Variants in LATS2 observed in about 807,000 individuals in gnomAD.
The protein encoded by LATS2 is serine/threonine-protein kinase LATS2.
In LATS2, 24 loss-of-function variants were observed where a neutral mutation model predicts 76.0. That is an observed-to-expected ratio of 0.32 (90% CI 0.23 to 0.44). LATS2 has a LOEUF of 0.44. LATS2 is among the 20% of genes least tolerant of loss of function. The pLI is 1.00. For synonymous variants in LATS2, 692 were observed against 635.4 expected (o/e 1.09, Z -1.34); for missense variants, 1,286 against 1,481.2 (o/e 0.87, Z 2.16).
intron 2 of LATS2, among the ~76,000 whole-genome samples, chr13:21,016,740 CT>C (rs1871814308): frequency 6.6e-6 from 1 of 152,218 alleles, no homozygotes; most frequent in Non-Finnish European, 1.5e-5. Context: ...AAACCAAGTG[CT>C]TTTCCAAACC....
At position 20,988,948 on chromosome 13, in the gene LATS2, T is replaced by G. The variant is rs574789577; in HGVS notation, c.832A>C (p.Lys278Gln). ...TAACCCCCGGTCTCCGGCGGCGTCT[T>G]GCTCTGGAAGGAGGGGCTGCGCTGC... ...GVQRSPSFQS[K>Q]TPPETGGYAS... The change falls in exon 4 of 8, where the codon AAG becomes CAG. Residue 278 changes from lysine to glutamine, a missense_variant. Transcript: ENST00000382592. 1 of 1,533,950 alleles carries G rather than the reference T, an allele frequency of 6.5e-7. No homozygotes were observed. The highest frequency in any genetic ancestry group is 2.4e-5 in the East Asian group (1 of 40,960).
chr13:20,990,155 C>G (rs1017064566), intron 3 of LATS2, among the ~76,000 whole-genome samples: 2 of 152,160 alleles, frequency 1.3e-5, no homozygotes, highest in African/African-American at 4.8e-5. Flanking sequence ...CTTTGTTTTC[C>G]CTGGGCCCAG....
intron 1 of LATS2, among the ~76,000 whole-genome samples, chr13:21,047,402 A>G (rs977176922): frequency 4.6e-5 from 7 of 152,164 alleles, no homozygotes; most frequent in African/African-American, 1.7e-4. Flanking sequence ...GAATGTTTAT[A>G]TAACCAGCTG....
intron 6 of LATS2, among the ~76,000 whole-genome samples, chr13:20,980,286 T>C (rs1489516272): frequency 6.6e-6 from 1 of 152,168 alleles, no homozygotes; most frequent in Non-Finnish European, 1.5e-5. Context: ...AAACACTCCT[T>C]GTGTGAGGCC....
rs1869972461 is a variant in LATS2 at position 20,983,131 on chromosome 13, T to C, written c.2482+93A>G. 4 of 794,198 alleles carry C rather than the reference T, an allele frequency of 5.0e-6. No homozygotes were observed. In the East Asian group the frequency reaches 1.0e-4, roughly 20 times the overall value. The allele number at this position is 794,198 out of a possible 1,614,324, so 49.2% of individuals were successfully genotyped here. On this transcript the variant is annotated intron_variant, in intron 5 of 7. Coordinates refer to ENST00000382592, the MANE Select transcript of LATS2 (RefSeq NM_014572.3). Reference sequence around the variant, plus strand: ...GTGACAGATAAAAATTTCAAAATGATTAGGAGCCACTAGGATGGGAAATTT... The same window carrying C: ...GTGACAGATAAAAATTTCAAAATGACTAGGAGCCACTAGGATGGGAAATTT...
intron 2 of LATS2, among the ~76,000 whole-genome samples, chr13:20,999,117 AT>A (rs1870912813): frequency 6.6e-6 from 1 of 152,266 alleles, no homozygotes; most frequent in Non-Finnish European, 1.5e-5. Flanking sequence ...GTGCGAGCCA[AT>A]TATGACTGGA....
intron 7 of LATS2, among the ~76,000 whole-genome samples, chr13:20,975,570 A>T (rs1425680352): frequency 6.6e-6 from 1 of 152,232 alleles, no homozygotes; most frequent in Non-Finnish European, 1.5e-5. Context: ...GGCCAGGATG[A>T]CCAGTCAAAT....
chr13:21,054,987 G>GT (rs144970358), intron 1 of LATS2, among the ~76,000 whole-genome samples: 13,477 of 152,180 alleles, frequency 0.089, 622 homozygotes, highest in Middle Eastern at 0.11. Flanking sequence ...AAGTGAATAT[G>GT]AAAAAATAGT....
intron 1 of LATS2, among the ~76,000 whole-genome samples, chr13:21,057,853 C>A (rs1327960975): frequency 6.6e-6 from 1 of 152,058 alleles, no homozygotes; most frequent in East Asian, 1.9e-4. Context: ...GTAACATTAG[C>A]CTTAAAATAC....
intron 2 of LATS2, among the ~76,000 whole-genome samples, chr13:21,030,124 A>G (rs1332264991): frequency 6.8e-6 from 1 of 147,452 alleles, no homozygotes; most frequent in Non-Finnish European, 1.5e-5. Context: ...CTCTACTTCA[A>G]AAAAAAAAAG....
rs762892798 is a variant in LATS2 at position 21,045,705 on chromosome 13, C to T, written c.322G>A (p.Val108Met). The change falls in exon 2 of 8, where the codon GTG becomes ATG. Residue 108 changes from valine (V) to methionine (M), a missense_variant. Val to Met is a conservative substitution (Grantham distance 21). Coordinates refer to ENST00000382592, the MANE Select transcript of LATS2 (RefSeq NM_014572.3). ...EVNRQMLQEL[V>M]NAGCDQEMAG... ...CCCACCTGGTCGCATCCTGCGTTCACCAGTTCCTGCAGCATTTGCCGGTTC... is the reference window on the plus strand; with the variant it reads ...CCCACCTGGTCGCATCCTGCGTTCATCAGTTCCTGCAGCATTTGCCGGTTC... 1.2e-6 allele frequency: 2 copies of T among 1,614,044 alleles called. No homozygotes were observed. Among genetic ancestry groups the T allele is most frequent in the South Asian group, 1.1e-5 (1 of 91,066 alleles).
At chr13:21,017,330 TTTTC>T (rs1362725172) in intron 2 of LATS2, among the ~76,000 whole-genome samples, 1 of 152,154 alleles carries the variant, frequency 6.6e-6, no homozygotes, top group African/African-American at 2.4e-5. Context: ...ATGCAATCCT[TTTTC>T]TTTTTTTTGT....
rs180795147 is a variant in LATS2 at position 21,040,954 on chromosome 13, T to G, written c.342+4731A>C. On this transcript the variant is annotated intron_variant, in intron 2 of 7. Coordinates refer to ENST00000382592, the MANE Select transcript of LATS2 (RefSeq NM_014572.3). ...ACTGAGAGAACAATCACATTCTACT[T>G]CCCCCTTGAGGCATGTGTTCACCTT... 5.4e-3 allele frequency among the ~76,000 whole-genome samples: 823 copies of G among 151,758 alleles called. 6 individuals are homozygous for G. The highest frequency in any genetic ancestry group is 7.4e-3 in the Non-Finnish European group (501 of 67,954).
intron 2 of LATS2, among the ~76,000 whole-genome samples, chr13:21,042,067 A>C (rs1872897740): frequency 6.6e-6 from 1 of 152,176 alleles, no homozygotes; most frequent in African/African-American, 2.4e-5. Context: ...ATAACCAAAA[A>C]ACTTACCTTT....
At position 20,975,386 on chromosome 13, in the gene LATS2, C is replaced by G. The variant is rs761978716; in HGVS notation, c.2773-22G>C. 9.2e-6 allele frequency: 14 copies of G among 1,527,608 alleles called. No individual in the cohort carries two copies. In the Middle Eastern group the frequency reaches 1.1e-3, roughly 115 times the overall value. 94.6% of individuals were successfully genotyped at this position (1,527,608 alleles called of 1,614,324 possible). ...TCACCTGAGGAAACAACAGAGCCAA[C>G]AGGTTAGTTTCTCCTCACATCTTGG... is the stretch of plus-strand genomic sequence containing the variant. On this transcript the variant is annotated intron_variant, in intron 7 of 7. Coordinates refer to ENST00000382592, the MANE Select transcript of LATS2 (RefSeq NM_014572.3).
intron 2 of LATS2, among the ~76,000 whole-genome samples, chr13:21,025,503 G>A (rs1400879363): frequency 6.6e-6 from 1 of 152,068 alleles, no homozygotes; most frequent in East Asian, 1.9e-4. Flanking sequence ...ACCTGTGGAG[G>A]GTTTCTTGAA....
intron 1 of LATS2, among the ~76,000 whole-genome samples, chr13:21,059,283 T>C (rs1873547000): frequency 6.6e-6 from 1 of 152,238 alleles, no homozygotes; most frequent in South Asian, 2.1e-4. Context: ...GGTGAAATAA[T>C]TTTTTTAATG....
chr13:20,983,400 C>T lies in LATS2; in HGVS notation c.2306G>A (p.Arg769Gln), dbSNP rs536277703. The T allele has an allele frequency of 1.5e-5, 25 of 1,614,018 alleles. No individual in the cohort carries two copies. The highest frequency in any genetic ancestry group is 1.6e-4 in the Middle Eastern group (1 of 6,062). ...RMEVFPEHLA[R>Q]FYIAELTLAI... ...CAAAGTCAGCTCTGCGATGTAGAAC[C>T]GGGCCAGGTGCTCAGGGAAGACCTC... is the stretch of plus-strand genomic sequence containing the variant. Residue 769 changes from arginine to glutamine, a missense_variant, in exon 5 of 8, where the codon CGG (arginine) becomes CAG (glutamine). This residue lies in a region of LATS2 where 247 missense variants were observed against 385.4 expected (regional missense o/e 0.64). Transcript: ENST00000382592.
At chr13:21,032,869 G>A (rs913316250) in intron 2 of LATS2, among the ~76,000 whole-genome samples, 1 of 152,152 alleles carries the variant, frequency 6.6e-6, no homozygotes, top group African/African-American at 2.4e-5. Flanking sequence ...TTCAGGGGGC[G>A]ACAGCATGAG....
Sources: allele counts gnomAD v4.1 joint callset (sites outside exome capture counted in the v4.1 genomes callset), GRCh38; gene constraint gnomAD v4.1.1; regional missense constraint gnomAD v4.1.1; transcripts MANE v1.5; gene names NCBI Gene and HGNC (gene_info 2026-07-23, HGNC 2026-07-21).